Variants in ADAMTS6 observed in about 807,000 individuals in gnomAD.
ADAMTS6 encodes the protein A disintegrin and metalloproteinase with thrombospondin motifs 6.
A neutral mutation model predicts 144.3 loss-of-function variants in ADAMTS6; 23 were observed. That is an observed-to-expected ratio of 0.16 (90% confidence interval 0.11 to 0.23). ADAMTS6 has a LOEUF of 0.23. Ranked by LOEUF, ADAMTS6 falls within the 10% of genes least tolerant of loss-of-function variation. The pLI, the probability that ADAMTS6 is intolerant of heterozygous loss-of-function variation, is 1.00. For missense variants in ADAMTS6, 999 were observed against 1,379.6 expected (o/e 0.72, Z 4.37); for synonymous variants, 444 against 457.5 (o/e 0.97, Z 0.38).
intron 21 of ADAMTS6, among the ~76,000 whole-genome samples, chr5:65,194,319 T>C (rs1257344407): frequency 6.6e-6 from 1 of 152,208 alleles, no homozygotes; most frequent in Non-Finnish European, 1.5e-5. Flanking sequence ...GGTACAATAG[T>C]ATCTCTAGAT....
chr5:65,404,401 T>C (rs1217818457), intron 7 of ADAMTS6, among the ~76,000 whole-genome samples: 1 of 152,152 alleles, frequency 6.6e-6, no homozygotes, highest in African/African-American at 2.4e-5. Flanking sequence ...TGGTGTTTGG[T>C]CTTCTGTCCT....
At chr5:65,226,351 C>G in intron 15 of ADAMTS6, 132 bp from the exon 16 acceptor site, 1 of 896,804 alleles carries the variant, frequency 1.1e-6, no homozygotes, top group South Asian at 4.4e-5. Flanking sequence ...GTGTAGGTTT[C>G]TTTCCCCCTT....
intron 1 of ADAMTS6, among the ~76,000 whole-genome samples, chr5:65,476,164 G>C (rs1310099817): frequency 3.3e-5 from 5 of 152,148 alleles, no homozygotes; most frequent in Non-Finnish European, 7.4e-5. Context: ...AACTAACAAG[G>C]AACTAAGGCC....
At chr5:65,180,704 T>TAAAAAAAA (rs11444095) in intron 22 of ADAMTS6, among the ~76,000 whole-genome samples, 5 of 150,554 alleles carry the variant, frequency 3.3e-5, no homozygotes, top group Non-Finnish European at 5.9e-5. Flanking sequence ...CATTTTGATT[T>TAAAAAAAA]AAAAAAAAAA....
At chr5:65,198,490 G>A (rs964363341) in intron 20 of ADAMTS6, 1 of 167,050 alleles carries the variant, frequency 6.0e-6, no homozygotes, top group African/African-American at 2.4e-5. Context: ...TAGAAATTCT[G>A]CAGGTGGGAG....
chr5:65,449,517 G>A lies in ADAMTS6; in HGVS notation c.1073+1958C>T, dbSNP rs549575269. On this transcript the variant is annotated intron_variant, in intron 7 of 24. Coordinates refer to ENST00000381055, the MANE Select transcript of ADAMTS6 (RefSeq NM_197941.4). ...TGTAATCCCAGCTACTCATGAGGCT[G>A]AGGCAGGAGAATCACTTGAACCTAA... Among the ~76,000 whole-genome samples the A allele has an allele frequency of 1.3e-4, 20 of 152,204 alleles. 1 individual carries two copies. In the South Asian group the frequency reaches 4.1e-3, roughly 32 times the overall value.
At chr5:65,456,868 C>T (rs552446774) in intron 4 of ADAMTS6, among the ~76,000 whole-genome samples, 20 of 151,988 alleles carry the variant, frequency 1.3e-4, no homozygotes, top group Non-Finnish European at 1.9e-4. Context: ...TTTAAAAATT[C>T]GTAGTTTGAA....
Position 65,422,090 on chromosome 5 carries a change from G to C in ADAMTS6, c.1073+29385C>G, listed in dbSNP as rs1050050919. ...ACAACTAATATCCAGAATCTACAAG[G>C]AACTCAAAACAAATCAGCAAGAAAA... On this transcript the variant is annotated intron_variant, in intron 7 of 24. Coordinates refer to ENST00000381055, the MANE Select transcript of ADAMTS6 (RefSeq NM_197941.4). 4.0e-5 allele frequency among the ~76,000 whole-genome samples: 6 copies of C among 151,796 alleles called. No individual in the cohort carries two copies. The East Asian group carries it at 7.7e-4, about 20-fold the overall frequency.
rs539413464 is a variant in ADAMTS6, at chr5:65,170,775, T to C, written c.3088-2A>G. 1 of 1,608,754 alleles carries C rather than the reference T, an allele frequency of 6.2e-7. No individual in the cohort carries two copies. The highest frequency in any genetic ancestry group is 1.1e-5 in the South Asian group (1 of 90,394). ...TCCAAGGCCACACTGAGCAGAACAC[T>C]AAATCCAAAGACACAAAGAAACAAA... On this transcript the variant is annotated splice_acceptor_variant, in intron 23 of 24. Coordinates refer to ENST00000381055, the MANE Select transcript of ADAMTS6 (RefSeq NM_197941.4). LOFTEE classifies it high-confidence loss of function.
intron 7 of ADAMTS6, among the ~76,000 whole-genome samples, chr5:65,392,861 G>A (rs1359245411): frequency 6.6e-6 from 1 of 152,076 alleles, no homozygotes; most frequent in Non-Finnish European, 1.5e-5. Flanking sequence ...TCTGAGACAT[G>A]ATAATCATGA....
At chr5:65,275,398 AG>A (rs1762425398) in intron 11 of ADAMTS6, among the ~76,000 whole-genome samples, 1 of 144,976 alleles carries the variant, frequency 6.9e-6, no homozygotes, top group Non-Finnish European at 1.5e-5. Context: ...AAAGAAAGAA[AG>A]AAAGAAAGAA....
intron 10 of ADAMTS6, among the ~76,000 whole-genome samples, chr5:65,296,768 T>C (rs1390472913): frequency 6.6e-6 from 1 of 152,212 alleles, no homozygotes; most frequent in Non-Finnish European, 1.5e-5. Context: ...CCATTCTTTC[T>C]GTGAAAATGT....
intron 7 of ADAMTS6, among the ~76,000 whole-genome samples, chr5:65,377,607 T>A (rs1751677552): frequency 6.6e-6 from 1 of 152,240 alleles, no homozygotes; most frequent in Admixed American, 6.5e-5. Context: ...ACTCTAATTT[T>A]GACTCTATGT....
At chr5:65,422,269 T>C (rs969747172) in intron 7 of ADAMTS6, among the ~76,000 whole-genome samples, 3 of 152,200 alleles carry the variant, frequency 2.0e-5, no homozygotes, top group Non-Finnish European at 4.4e-5. Flanking sequence ...GAGATAACAC[T>C]TTACCCCAGC....
chr5:65,209,480 G>A (rs562104702), intron 20 of ADAMTS6, among the ~76,000 whole-genome samples: 16 of 152,192 alleles, frequency 1.1e-4, no homozygotes, highest in African/African-American at 3.9e-4. Flanking sequence ...TTCCTTATGA[G>A]GCAAAGGAAG....
rs1214897625 is a variant in ADAMTS6, at chr5:65,452,160, G to T, written c.900C>A (p.Ala300=). The T allele has an allele frequency of 6.2e-6, 10 of 1,610,362 alleles. No individual in the cohort carries two copies. Among genetic ancestry groups the T allele is most frequent in the Non-Finnish European group, 7.6e-6 (9 of 1,177,934 alleles). The change falls in exon 6 of 25, where the codon GCC becomes GCA. Residue 300 remains alanine (A), a synonymous_variant. Coordinates refer to ENST00000381055, the MANE Select transcript of ADAMTS6 (RefSeq NM_197941.4). ...SLGNVVNIIV[A]RLIVLTEDQP... Reference sequence around the variant, plus strand: ...GATCTTCTGTGAGAACAATTAAGCGGGCCACTATAATATTCACAACGTTTC... The same window carrying T: ...GATCTTCTGTGAGAACAATTAAGCGTGCCACTATAATATTCACAACGTTTC...
chr5:65,374,755 A>G (rs1751344687), intron 7 of ADAMTS6, among the ~76,000 whole-genome samples: 2 of 152,204 alleles, frequency 1.3e-5, no homozygotes, highest in Non-Finnish European at 2.9e-5. Flanking sequence ...AATGGAATAA[A>G]CTACTTTAAA....
At chr5:65,211,514 G>A (rs1488297835) in intron 20 of ADAMTS6, among the ~76,000 whole-genome samples, 2 of 151,842 alleles carry the variant, frequency 1.3e-5, no homozygotes, top group Admixed American at 6.6e-5. Flanking sequence ...AGGTGGAATA[G>A]TCACTTAAAC....
At chr5:65,248,278 A>G (rs1260311297) in intron 14 of ADAMTS6, among the ~76,000 whole-genome samples, 1 of 152,098 alleles carries the variant, frequency 6.6e-6, no homozygotes, top group East Asian at 1.9e-4. Flanking sequence ...TTTTTCTCCC[A>G]AATAGTTTCT....
Sources: allele counts gnomAD v4.1 joint callset (sites outside exome capture counted in the v4.1 genomes callset), GRCh38; gene constraint gnomAD v4.1.1; transcripts MANE v1.5; gene names NCBI Gene and HGNC (gene_info 2026-07-23, HGNC 2026-07-21).